Variants in DCDC1 observed in about 807,000 individuals in gnomAD.
DCDC1 encodes the protein doublecortin domain-containing protein 1.
DCDC1 carries 200 observed loss-of-function variants against 178.3 expected under a neutral mutation model. The ratio of observed to expected loss-of-function variants is 1.12; its 90% confidence interval spans 1.00 to 1.26. The LOEUF (loss-of-function observed/expected upper bound fraction) is 1.26, where lower values mean the gene tolerates loss of function less well. Ranked by LOEUF, DCDC1 falls within the 50% of genes most tolerant of loss-of-function variation. The pLI is 0.00. For missense variants in DCDC1, 1,983 were observed against 1,749.2 expected (o/e 1.13, Z -2.38); for synonymous variants, 690 against 604.8 (o/e 1.14, Z -2.07).
intron 12 of DCDC1, among the ~76,000 whole-genome samples, chr11:31,108,434 T>A (rs1958991447): frequency 6.6e-6 from 1 of 152,212 alleles, no homozygotes; most frequent in African/African-American, 2.4e-5. Flanking sequence ...TTTATTTTTG[T>A]GTGGTTTCAG....
chr11:31,295,037 C>T (rs1947589694), intron 6 of DCDC1, among the ~76,000 whole-genome samples: 1 of 152,038 alleles, frequency 6.6e-6, no homozygotes, highest in Non-Finnish European at 1.5e-5. Context: ...CCTGGGTATC[C>T]ATGGAGGCTT....
chr11:31,307,460 A>G, intron 4 of DCDC1, 179 bp downstream of exon 4: 2 of 705,218 alleles, frequency 2.8e-6, no homozygotes, highest in Non-Finnish European at 4.5e-6. Context: ...TATTTCCCAC[A>G]GTGTAATTAA....
chr11:30,923,425 T>C (rs7931220), intron 23 of DCDC1, among the ~76,000 whole-genome samples: 2,616 of 149,254 alleles, frequency 0.018, 76 homozygotes, highest in African/African-American at 0.06. Context: ...TTTGCTTATA[T>C]GTATTTCTTA....
chr11:30,874,005 C>T (rs1426034702), intron 38 of DCDC1, among the ~76,000 whole-genome samples: 1 of 152,188 alleles, frequency 6.6e-6, no homozygotes, highest in Non-Finnish European at 1.5e-5. Flanking sequence ...GACTCAAGAA[C>T]ATTTCCATCA....
rs567218700 is a variant in DCDC1 at position 31,243,299 on chromosome 11, A to G, written c.1055-1683T>C. 1.1e-3 allele frequency among the ~76,000 whole-genome samples: 163 copies of G among 151,898 alleles called. 2 individuals carry two copies. Among genetic ancestry groups the G allele is most frequent in the African/African-American group, 3.6e-3 (151 of 41,526 alleles). On this transcript the variant is annotated intron_variant, in intron 8 of 38. Coordinates refer to ENST00000684477, the MANE Select transcript of DCDC1 (RefSeq NM_001387274.1). ...ATCAGTGCTTTTAGTTTATTGCTAC[A>G]CATTCATATATTACTATGTGTTAGA...
intron 20 of DCDC1, among the ~76,000 whole-genome samples, chr11:31,025,279 C>T (rs542788348): frequency 7.2e-5 from 11 of 151,848 alleles, no homozygotes; most frequent in African/African-American, 2.2e-4. Context: ...AAGCTCCCAT[C>T]TCATCTGCTG....
chr11:30,970,631 G>T (rs1949722970), intron 20 of DCDC1, among the ~76,000 whole-genome samples: 1 of 152,118 alleles, frequency 6.6e-6, no homozygotes, highest in Admixed American at 6.6e-5. Flanking sequence ...ATGCCCTGAG[G>T]ACAAGCTACT....
chr11:31,331,591 G>T (rs993249285), intron 2 of DCDC1, among the ~76,000 whole-genome samples: 1 of 152,114 alleles, frequency 6.6e-6, no homozygotes, highest in Non-Finnish European at 1.5e-5. Flanking sequence ...TAGCACAAAG[G>T]ACTGTTGAAT....
intron 9 of DCDC1, among the ~76,000 whole-genome samples, chr11:31,179,316 C>A (rs1968477291): frequency 1.3e-5 from 2 of 152,118 alleles, no homozygotes; most frequent in Admixed American, 1.3e-4. Flanking sequence ...TCCAGTGATC[C>A]CATTATTGGA....
At chr11:31,024,350 T>C (rs1953083057) in intron 20 of DCDC1, among the ~76,000 whole-genome samples, 1 of 151,938 alleles carries the variant, frequency 6.6e-6, no homozygotes, top group Admixed American at 6.6e-5. Flanking sequence ...TATCTACAGG[T>C]CTCATGTTAG....
rs551470322 is a variant in DCDC1 at position 30,970,137 on chromosome 11, A to G, written c.2592-17569T>C. Among the ~76,000 whole-genome samples, 290 of 152,272 alleles carry G rather than the reference A, an allele frequency of 1.9e-3. 1 individual carries two copies. The Middle Eastern group carries it at 0.02, about 11-fold the overall frequency. ...AAAGGGTAAGTAAGATATCCCTAGCAATCTACATTTCCACAATAGACTCCT... is the reference window on the plus strand; with the variant it reads ...AAAGGGTAAGTAAGATATCCCTAGCGATCTACATTTCCACAATAGACTCCT... On this transcript the variant is annotated intron_variant, in intron 20 of 38. Coordinates refer to ENST00000684477, the MANE Select transcript of DCDC1 (RefSeq NM_001387274.1).
At chr11:31,194,937 G>T (rs1012723573) in intron 9 of DCDC1, among the ~76,000 whole-genome samples, 2 of 152,034 alleles carry the variant, frequency 1.3e-5, no homozygotes, top group Non-Finnish European at 2.9e-5. Context: ...ACTGGAACAA[G>T]ATAAAAATCT....
At chr11:31,110,097 C>T (rs1444177704) in intron 12 of DCDC1, among the ~76,000 whole-genome samples, 163 bp downstream of exon 12, 2 of 152,154 alleles carry the variant, frequency 1.3e-5, no homozygotes, top group African/African-American at 4.8e-5. Flanking sequence ...TATACTAACG[C>T]TGAAAGCCTA....
At chr11:31,170,114 G>T (rs1389467299) in intron 9 of DCDC1, among the ~76,000 whole-genome samples, 1 of 152,194 alleles carries the variant, frequency 6.6e-6, no homozygotes, top group Non-Finnish European at 1.5e-5. Context: ...TTAGAAAGTA[G>T]AATGCACTAA....
intron 9 of DCDC1, among the ~76,000 whole-genome samples, chr11:31,204,329 C>T (rs555766946): frequency 1.3e-5 from 2 of 151,454 alleles, no homozygotes; most frequent in East Asian, 3.9e-4. Flanking sequence ...AGTACAACAC[C>T]CCAAATATAA....
intron 20 of DCDC1, among the ~76,000 whole-genome samples, chr11:30,984,937 G>A (rs1950568011): frequency 6.6e-6 from 1 of 152,128 alleles, no homozygotes. Context: ...CTAAAAGGAT[G>A]GGAGTCCAGG....
chr11:30,880,552 T>G (rs1351910102), intron 37 of DCDC1, among the ~76,000 whole-genome samples: 1 of 152,134 alleles, frequency 6.6e-6, no homozygotes, highest in Non-Finnish European at 1.5e-5. Context: ...TCCTTTAGAG[T>G]GATAACAGTG....
chr11:30,945,713 TATC>T (rs1947984221), intron 21 of DCDC1, among the ~76,000 whole-genome samples: 2 of 141,774 alleles, frequency 1.4e-5, no homozygotes, highest in South Asian at 4.2e-4. Flanking sequence ...TCTATCTATC[TATC>T]TATCTATCTA....
intron 11 of DCDC1, among the ~76,000 whole-genome samples, chr11:31,120,075 CCTTT>C (rs1324929887): frequency 7.2e-5 from 11 of 152,110 alleles, no homozygotes; most frequent in African/African-American, 2.4e-4. Context: ...AAATCTTCTT[CCTTT>C]CTGTCATTGG....
Sources: allele counts gnomAD v4.1 joint callset (sites outside exome capture counted in the v4.1 genomes callset), GRCh38; gene constraint gnomAD v4.1.1; transcripts MANE v1.5; gene names NCBI Gene and HGNC (gene_info 2026-07-23, HGNC 2026-07-21).